FSIP1: variants seen among roughly 807,000 people sequenced by gnomAD.
FSIP1 encodes the protein fibrous sheath-interacting protein 1.
In FSIP1, 65 loss-of-function variants were observed where a neutral mutation model predicts 60.9. The ratio of observed to expected loss-of-function variants is 1.07; its 90% CI spans 0.87 to 1.31. The LOEUF is 1.31. Among genes scored for constraint, FSIP1 ranks in the 40% most tolerant of loss-of-function variants. FSIP1 has a pLI of 0.00. For synonymous variants in FSIP1, 209 were observed against 221.2 expected (o/e 0.94, Z 0.49); for missense variants, 675 against 665.5 (o/e 1.01, Z -0.16).
intron 2 of FSIP1, among the ~76,000 whole-genome samples, chr15:39,774,940 T>C (rs1361687615): frequency 6.6e-6 from 1 of 152,206 alleles, no homozygotes; most frequent in Non-Finnish European, 1.5e-5. Flanking sequence ...AGCCCCTCCC[T>C]GAACTCCCTT....
chr15:39,656,624 T>C (rs569824588), intron 10 of FSIP1, among the ~76,000 whole-genome samples: 2 of 152,320 alleles, frequency 1.3e-5, no homozygotes, highest in African/African-American at 2.4e-5. Flanking sequence ...ACCTACCCCA[T>C]ACAGTTTTTG....
intron 10 of FSIP1, among the ~76,000 whole-genome samples, chr15:39,665,318 CAA>C (rs1893454194): frequency 6.6e-6 from 1 of 152,156 alleles, no homozygotes; most frequent in Admixed American, 6.5e-5. Flanking sequence ...TGAATGAGCT[CAA>C]GAGAGTTTCT....
intron 11 of FSIP1, among the ~76,000 whole-genome samples, chr15:39,613,976 T>C (rs1300910597): frequency 6.6e-6 from 1 of 152,088 alleles, no homozygotes. Context: ...ATAAGATAAA[T>C]CTGTAACTAA....
rs1205919288 is a variant in FSIP1 at position 39,687,131 on chromosome 15, CTTTTCCTTT to C, written c.1188+26304_1188+26312del. Among the ~76,000 whole-genome samples the C allele has an allele frequency of 2.4e-3, 111 of 46,290 alleles. 4 individuals are homozygous for C. The highest frequency in any genetic ancestry group is 9.6e-3 in the African/African-American group (105 of 10,926). The allele number at this position is 46,290 out of a possible 152,430, so 30.4% of individuals were successfully genotyped here. On this transcript the variant is annotated intron_variant, in intron 10 of 11. Transcript: ENST00000350221. ...CCTTTCACCTTTCTTTCTTTCTTTT[CTTTTCCTTT>C]TTTTTTTTTTTTTTTTTTTTTTTTT...
chr15:39,619,845 AT>A (rs1483268513), intron 10 of FSIP1, among the ~76,000 whole-genome samples: 1 of 152,242 alleles, frequency 6.6e-6, no homozygotes, highest in Non-Finnish European at 1.5e-5. Flanking sequence ...TTATGATGAA[AT>A]TTTTAGACAC....
rs115252873 is a variant in FSIP1, at chr15:39,696,176, T to C, written c.1188+17268A>G. Among the ~76,000 whole-genome samples the C allele has an allele frequency of 4.8e-3, 725 of 152,266 alleles. 12 individuals carry two copies. The highest frequency in any genetic ancestry group is 0.016 in the African/African-American group (681 of 41,552). ...AGAGAAAAATAGCACCTTGCAAAAC[T>C]TTTCAATATTGTAGAACAGTAAATA... On this transcript the variant is annotated intron_variant, in intron 10 of 11. Coordinates refer to ENST00000350221, the MANE Select transcript of FSIP1 (RefSeq NM_152597.5).
intron 8 of FSIP1, among the ~76,000 whole-genome samples, chr15:39,730,104 G>GAA (rs74645697): frequency 7.1e-6 from 1 of 140,968 alleles, no homozygotes. Flanking sequence ...GGCCTTACCA[G>GAA]AAAAAAAAAA....
chr15:39,629,430 G>T (rs1891788131), intron 10 of FSIP1, among the ~76,000 whole-genome samples: 1 of 152,154 alleles, frequency 6.6e-6, no homozygotes, highest in South Asian at 2.1e-4. Context: ...AATAATCCCA[G>T]TCAGGGCACC....
intron 10 of FSIP1, among the ~76,000 whole-genome samples, chr15:39,649,465 A>G (rs1892774938): frequency 6.6e-6 from 1 of 152,252 alleles, no homozygotes; most frequent in Non-Finnish European, 1.5e-5. Flanking sequence ...TCAAGATACC[A>G]GAAATGACTG....
chr15:39,650,662 G>A (rs1490364241), intron 10 of FSIP1, among the ~76,000 whole-genome samples: 1 of 152,130 alleles, frequency 6.6e-6, no homozygotes, highest in Non-Finnish European at 1.5e-5. Flanking sequence ...TGGCCTCAGC[G>A]TCCTCATCTG....
At chr15:39,676,558 G>A (rs934730365) in intron 10 of FSIP1, among the ~76,000 whole-genome samples, 1 of 152,166 alleles carries the variant, frequency 6.6e-6, no homozygotes, top group Non-Finnish European at 1.5e-5. Flanking sequence ...AGTGCTCCGT[G>A]AAAGGCACAT....
At chr15:39,645,640 G>A (rs1221441820) in intron 10 of FSIP1, among the ~76,000 whole-genome samples, 3 of 152,342 alleles carry the variant, frequency 2.0e-5, no homozygotes, top group South Asian at 2.1e-4. Context: ...TGCCTCTTCC[G>A]AGTTGGCCAG....
At chr15:39,780,013 T>C (rs150776315) in intron 1 of FSIP1, among the ~76,000 whole-genome samples, 10 of 152,304 alleles carry the variant, frequency 6.6e-5, no homozygotes, top group African/African-American at 2.4e-4. Context: ...TAAGGAATAC[T>C]TGCCCATGCA....
Position 39,738,123 on chromosome 15 carries a change from C to T in FSIP1, c.859G>A (p.Asp287Asn), listed in dbSNP as rs1896676767. 1 of 1,612,920 alleles carries T rather than the reference C, an allele frequency of 6.2e-7. No homozygotes were observed. The highest frequency in any genetic ancestry group is 1.1e-5 in the South Asian group (1 of 90,952). Reference protein sequence around the residue: ...KRLVELLKDLDEKDSGLSSSE... With the variant: ...KRLVELLKDLNEKDSGLSSSE... The stretch of plus-strand genomic sequence containing the variant: ...CTGGAGAGCCCGGAATCTTTCTCAT[C>T]CAAGTCCTTCAAAAGCTCAACCAGC... Residue 287 changes from aspartate to asparagine, a missense_variant, in exon 8 of 12, where the codon GAT becomes AAT. Asp to Asn is a conservative substitution (Grantham distance 23). Coordinates refer to ENST00000350221, the MANE Select transcript of FSIP1 (RefSeq NM_152597.5).
rs569043672 is a variant in FSIP1, at chr15:39,776,313, A to T, written c.126+86T>A. On this transcript the variant is annotated intron_variant, in intron 2 of 11. Transcript: ENST00000350221. ...ACACACCGTCTAAGGAGAAAATTTA[A>T]AATGGGATGTTAACAACAACCTTAG... is the stretch of plus-strand genomic sequence containing the variant. 5.3e-6 allele frequency: 7 copies of T among 1,312,998 alleles called. No individual in the cohort carries two copies. In the African/African-American group the frequency reaches 1.0e-4, roughly 19 times the overall value. 81.3% of individuals were successfully genotyped at this position (1,312,998 alleles called of 1,614,324 possible). A position where few individuals can be genotyped will look rare whatever the true frequency, so the allele number is the denominator to read the frequency against.
chr15:39,661,230 T>C (rs1190923315), intron 10 of FSIP1, among the ~76,000 whole-genome samples: 4 of 152,214 alleles, frequency 2.6e-5, no homozygotes, highest in Non-Finnish European at 5.9e-5. Flanking sequence ...TTTTCTCCCA[T>C]TTATTTTCTT....
rs766512158 is a variant in FSIP1, at chr15:39,618,004, TCA to T, written c.1428_1429del (p.Cys476Ter). 6.2e-6 allele frequency: 10 copies of T among 1,614,208 alleles called. No individual in the cohort carries two copies. The Admixed American group carries it at 1.0e-4, about 16-fold the overall frequency. On this transcript the variant is annotated stop_gained and frameshift_variant, in exon 11 of 12. Transcript: ENST00000350221. LOFTEE classifies it high-confidence loss of function. ...AGTGAGATAGTAGCCTTTAGAAGCT[TCA>T]CATTCTTCACTCTCAAGCATATCTG...
chr15:39,652,744 C>CTA (rs147402507), intron 10 of FSIP1, among the ~76,000 whole-genome samples: 2,200 of 152,252 alleles, frequency 0.014, 18 homozygotes, highest in Non-Finnish European at 0.024. Flanking sequence ...TACACCTAGG[C>CTA]TATATGGTAT....
chr15:39,610,070 G>A (rs1344226119), intron 11 of FSIP1, among the ~76,000 whole-genome samples: 2 of 151,992 alleles, frequency 1.3e-5, no homozygotes, highest in Admixed American at 6.5e-5. Flanking sequence ...AAAGAATCAG[G>A]GAAATGTGAC....
Sources: allele counts gnomAD v4.1 joint callset (sites outside exome capture counted in the v4.1 genomes callset), GRCh38; gene constraint gnomAD v4.1.1; transcripts MANE v1.5; gene names NCBI Gene and HGNC (gene_info 2026-07-23, HGNC 2026-07-21).